TOX2: variants seen among roughly 807,000 people sequenced by gnomAD.
TOX2 encodes the protein TOX high mobility group box family member 2, also known as granulosa cell HMG box 1.
A neutral mutation model predicts 47.4 loss-of-function variants in TOX2; 15 were observed. The ratio of observed to expected loss-of-function variants is 0.32; its 90% CI spans 0.21 to 0.49. The LOEUF (loss-of-function observed/expected upper bound fraction) is 0.49. Among genes scored for constraint, TOX2 ranks in the 20% least tolerant of loss-of-function variants. The pLI, the probability that TOX2 is intolerant of heterozygous loss-of-function variation, is 0.99. For synonymous variants in TOX2, 290 were observed against 296.6 expected, an observed-to-expected ratio of 0.98 and a Z score of 0.23; for missense variants, 622 against 673.1, an observed-to-expected ratio of 0.92 and a Z score of 0.84.
At chr20:43,994,459 C>CACAAAT (rs769159573) in intron 2 of TOX2, among the ~76,000 whole-genome samples, 1 of 128,000 alleles carries the variant, frequency 7.8e-6, no homozygotes, top group African/African-American at 2.9e-5. Flanking sequence ...ACCCTGTCTC[C>CACAAAT]AAAAAAAAAA....
chr20:44,064,949 C>G (rs1012023174), intron 6 of TOX2, 92 bp downstream of exon 6: 1 of 1,200,242 alleles, frequency 8.3e-7, no homozygotes, highest in African/African-American at 1.5e-5. Context: ...AGGGCCGGCA[C>G]CCCAGGTCTT....
Position 44,052,345 on chromosome 20 carries a change from CAG to C in TOX2, c.651+803_651+804del, listed in dbSNP as rs1327930508. On this transcript the variant is annotated intron_variant, in intron 4 of 8. Transcript: ENST00000341197. ...CATCTTGTCTTACCAGGGAGGAAAACAGAGGCCCAGAAATGCCAAAGACAGAA... is the reference window on the plus strand; with the variant it reads ...CATCTTGTCTTACCAGGGAGGAAAACAGGCCCAGAAATGCCAAAGACAGAA... Among the ~76,000 whole-genome samples the C allele has an allele frequency of 3.3e-5, 5 of 152,212 alleles. No individual in the cohort carries two copies. The East Asian group carries it at 9.6e-4, about 29-fold the overall frequency.
intron 1 of TOX2, among the ~76,000 whole-genome samples, chr20:43,925,628 C>A (rs1249903136): frequency 6.6e-6 from 1 of 152,210 alleles, no homozygotes; most frequent in Admixed American, 6.5e-5. Context: ...CGCAGGCTTC[C>A]TCTCTCTGGG....
intron 3 of TOX2, among the ~76,000 whole-genome samples, chr20:44,036,610 C>G (rs2071245197): frequency 6.6e-6 from 1 of 152,238 alleles, no homozygotes; most frequent in African/African-American, 2.4e-5. Flanking sequence ...AGAAGGATTG[C>G]CAGTCTGTGG....
At chr20:43,992,051 G>A (rs1160172305) in intron 2 of TOX2, among the ~76,000 whole-genome samples, 1 of 152,210 alleles carries the variant, frequency 6.6e-6, no homozygotes, top group African/African-American at 2.4e-5. Context: ...TTGCAAACAG[G>A]GTGGCCAGGG....
At chr20:43,949,804 CA>C (rs767622971) in intron 1 of TOX2, among the ~76,000 whole-genome samples, 9 of 152,216 alleles carry the variant, frequency 5.9e-5, no homozygotes, top group Non-Finnish European at 1.3e-4. Context: ...CCGCTTCTGT[CA>C]TTGTCCTCCC....
chr20:43,967,312 A>C lies in TOX2; in HGVS notation c.100-6055A>C, dbSNP rs1051350954. The stretch of plus-strand genomic sequence containing the variant: ...AAACTATATATTAGAATCTGGAGGT[A>C]ATTTGGCTAAAGATGAGGATTTGAG... On this transcript the variant is annotated intron_variant, in intron 1 of 8. Coordinates refer to ENST00000341197, the MANE Select transcript of TOX2 (RefSeq NM_001098797.2). Among the ~76,000 whole-genome samples, 5 of 152,168 alleles carry C rather than the reference A, an allele frequency of 3.3e-5. No individual in the cohort carries two copies. In the East Asian group the frequency reaches 9.6e-4, roughly 29 times the overall value.
intron 3 of TOX2, among the ~76,000 whole-genome samples, chr20:44,031,168 G>A (rs1600759287): frequency 6.6e-6 from 1 of 152,188 alleles, no homozygotes; most frequent in Non-Finnish European, 1.5e-5. Flanking sequence ...ACAAGGGCAG[G>A]TGGGGGAAGG....
chr20:44,056,323 G>T (rs1000713677), intron 5 of TOX2, among the ~76,000 whole-genome samples: 1 of 152,244 alleles, frequency 6.6e-6, no homozygotes, highest in Non-Finnish European at 1.5e-5. Flanking sequence ...GGGGATATTG[G>T]CAGGGCACTG....
intron 1 of TOX2, among the ~76,000 whole-genome samples, chr20:43,939,793 G>T (rs776485652): frequency 1.3e-5 from 2 of 152,342 alleles, no homozygotes; most frequent in Non-Finnish European, 2.9e-5. Flanking sequence ...AAGGATTAAA[G>T]AGATGACAGA....
At chr20:43,924,350 A>G (rs1316813651) in intron 1 of TOX2, among the ~76,000 whole-genome samples, 4 of 148,544 alleles carry the variant, frequency 2.7e-5, no homozygotes, top group Non-Finnish European at 4.4e-5. Flanking sequence ...AATGGTAATT[A>G]ATGGAGTTTT....
chr20:43,954,828 C>T (rs1039431472), intron 1 of TOX2, among the ~76,000 whole-genome samples: 7 of 152,186 alleles, frequency 4.6e-5, no homozygotes, highest in African/African-American at 1.4e-4. Context: ...GTTTGGATCC[C>T]AGCTCAGCCA....
rs183178487 is a variant in TOX2, at chr20:43,991,826, T to C, written c.166-14721T>C. 1.4e-3 allele frequency among the ~76,000 whole-genome samples: 215 copies of C among 152,156 alleles called. 1 individual carries two copies. The highest frequency in any genetic ancestry group is 4.7e-3 in the African/African-American group (194 of 41,526). On this transcript the variant is annotated intron_variant, in intron 2 of 8. Coordinates refer to ENST00000341197, the MANE Select transcript of TOX2 (RefSeq NM_001098797.2). ...GCCCGGATCATTTTTGTATTTTTAG[T>C]ACAGATGGGGTTTCACCATGTTGGC... is the stretch of plus-strand genomic sequence containing the variant.
intron 1 of TOX2, chr20:43,945,958 T>C: frequency 6.2e-7 from 1 of 1,614,114 alleles, no homozygotes; most frequent in Non-Finnish European, 8.5e-7. Context: ...GTTCTCTCGC[T>C]GCCTGGGCTT....
In TOX2 at chr20:44,014,530, G is replaced by C. The variant is rs560197375; in HGVS notation, c.411+7738G>C. Among the ~76,000 whole-genome samples the C allele has an allele frequency of 2.0e-5, 3 of 152,230 alleles. No homozygotes were observed. In the East Asian group the frequency reaches 5.8e-4, roughly 29 times the overall value. On this transcript the variant is annotated intron_variant, in intron 3 of 8. Coordinates refer to ENST00000341197, the MANE Select transcript of TOX2 (RefSeq NM_001098797.2). ...GTCAGGTGTATAGGCTATGTGGTCA[G>C]GCTGACCTAAGTTCAAACCCCAGCT...
intron 1 of TOX2, among the ~76,000 whole-genome samples, chr20:43,932,541 G>A (rs1017058337): frequency 2.0e-5 from 3 of 152,192 alleles, no homozygotes; most frequent in African/African-American, 2.4e-5. Flanking sequence ...CTCCTCAGGC[G>A]ACAGGCAGAG....
At chr20:44,025,305 C>G (rs1348140345) in intron 3 of TOX2, among the ~76,000 whole-genome samples, 1 of 151,700 alleles carries the variant, frequency 6.6e-6, no homozygotes, top group Non-Finnish European at 1.5e-5. Context: ...CACAGTTGAT[C>G]CCATCATAGG....
chr20:44,068,839 A>G lies in TOX2; in HGVS notation c.*153A>G, dbSNP rs774466298. ...GCCCGGGGGCTGAGTCTCTTCCTCA[A>G]CCTCCCACCAGACTCTGCAGAGGCA... is the stretch of plus-strand genomic sequence containing the variant. On this transcript the variant is annotated 3_prime_UTR_variant, in exon 9 of 9. Transcript: ENST00000341197. 12 of 1,027,812 alleles carry G rather than the reference A, an allele frequency of 1.2e-5. No individual in the cohort carries two copies. Among genetic ancestry groups the G allele is most frequent in the African/African-American group, 1.1e-4 (7 of 62,712 alleles). 63.7% of individuals were successfully genotyped at this position (1,027,812 alleles called of 1,614,324 possible).
chr20:44,036,890 G>A (rs963174207), intron 3 of TOX2, among the ~76,000 whole-genome samples: 1 of 152,220 alleles, frequency 6.6e-6, no homozygotes, highest in African/African-American at 2.4e-5. Flanking sequence ...CATTTTTAGT[G>A]TCCTTGGAGG....
Sources: gnomAD v4.1 joint callset for allele counts (sites outside exome capture counted in the v4.1 genomes callset) on GRCh38, gnomAD v4.1.1 for gene constraint, MANE v1.5 for transcripts, NCBI Gene and HGNC (gene_info 2026-07-23, HGNC 2026-07-21) for gene names.